The following OTOGL variants were observed in gnomAD, a reference collection of about 807,000 sequenced individuals.
OTOGL encodes the protein otogelin-like protein.
OTOGL carries 285 observed loss-of-function variants against 318.5 expected under a neutral mutation model. The ratio of observed to expected loss-of-function variants is 0.89; its 90% CI spans 0.81 to 0.99. OTOGL has a LOEUF of 0.99. Among genes scored for constraint, OTOGL ranks in the 50% least tolerant of loss-of-function variants. The probability of loss-of-function intolerance (pLI) is 0.00; values close to 1 mark genes in which losing one functional copy is unlikely to be tolerated. For missense variants in OTOGL, 2,899 were observed against 2,845.6 expected (o/e 1.02, Z -0.43); for synonymous variants, 987 against 936.5 (o/e 1.05, Z -0.99).
At chr12:80,139,282 A>G (rs1871774627) in intron 1 of OTOGL, among the ~76,000 whole-genome samples, 1 of 152,152 alleles carries the variant, frequency 6.6e-6, no homozygotes, top group Non-Finnish European at 1.5e-5. Flanking sequence ...TTACTAAGTT[A>G]GCTGTCCTAA....
intron 1 of OTOGL, among the ~76,000 whole-genome samples, chr12:80,168,223 G>C (rs1264073561): frequency 6.6e-6 from 1 of 152,124 alleles, no homozygotes; most frequent in Non-Finnish European, 1.5e-5. Context: ...CTCCCAAAGT[G>C]CTGGGATTTC....
intron 1 of OTOGL, among the ~76,000 whole-genome samples, chr12:80,137,419 C>T (rs1871648574): frequency 6.6e-6 from 1 of 152,008 alleles, no homozygotes; most frequent in Non-Finnish European, 1.5e-5. Flanking sequence ...TTTAACCTGC[C>T]TAGACAGTAC....
Position 80,305,568 on chromosome 12 carries a change from T to C in OTOGL, c.3214-8T>C. On this transcript the variant is annotated splice_polypyrimidine_tract_variant and splice_region_variant and intron_variant, in intron 28 of 58. Coordinates refer to ENST00000547103, the MANE Select transcript of OTOGL (RefSeq NM_001378609.3). The stretch of plus-strand genomic sequence containing the variant: ...AGAATATTTCCTGGTGATTTTCTCT[T>C]ACTTTAGAACAAGCTATCAGGATTG... 1 of 1,518,996 alleles carries C rather than the reference T, an allele frequency of 6.6e-7. No homozygotes were observed. Among genetic ancestry groups the C allele is most frequent in the Non-Finnish European group, 8.7e-7 (1 of 1,144,364 alleles). 94.1% of individuals were successfully genotyped at this position (1,518,996 alleles called of 1,614,324 possible). A position where few individuals can be genotyped will look rare whatever the true frequency, so the allele number is the denominator to read the frequency against.
At chr12:80,155,662 T>C (rs1873066513) in intron 1 of OTOGL, among the ~76,000 whole-genome samples, 1 of 152,200 alleles carries the variant, frequency 6.6e-6, no homozygotes, top group Non-Finnish European at 1.5e-5. Flanking sequence ...TACAATTAAA[T>C]TATTATTGAC....
intron 38 of OTOGL, among the ~76,000 whole-genome samples, chr12:80,334,063 A>G (rs1178767022): frequency 6.6e-6 from 1 of 152,158 alleles, no homozygotes; most frequent in African/African-American, 2.4e-5. Context: ...AGTAGCTTCA[A>G]GATCATTTTG....
At chr12:80,304,700 T>C (rs867760013) in intron 28 of OTOGL, among the ~76,000 whole-genome samples, 10 of 152,296 alleles carry the variant, frequency 6.6e-5, no homozygotes, top group Middle Eastern at 3.4e-3. Flanking sequence ...CTTCAATGAA[T>C]ATTCTCTGCC....
intron 9 of OTOGL, 73 bp downstream of exon 9, chr12:80,233,170 C>T (rs1272785237): frequency 1.5e-6 from 2 of 1,351,216 alleles, no homozygotes; most frequent in Admixed American, 2.6e-5. Context: ...TGTTTGTACC[C>T]AGAAGACTTG....
chr12:80,238,835 T>C lies in OTOGL; in HGVS notation c.818-16T>C, dbSNP rs767422638. On this transcript the variant is annotated splice_polypyrimidine_tract_variant and intron_variant, in intron 9 of 58. Transcript: ENST00000547103. ...ACCTATTTGTGTGTGTGTGTGTGTGTGCCTGTGTGAAATAGAGGACTATAC... is the reference window on the plus strand; with the variant it reads ...ACCTATTTGTGTGTGTGTGTGTGTGCGCCTGTGTGAAATAGAGGACTATAC... 2.6e-6 allele frequency: 4 copies of C among 1,520,664 alleles called. No individual in the cohort carries two copies. Among genetic ancestry groups the C allele is most frequent in the East Asian group, 2.5e-5 (1 of 40,122 alleles). 94.2% of individuals were successfully genotyped at this position (1,520,664 alleles called of 1,614,324 possible).
intron 1 of OTOGL, among the ~76,000 whole-genome samples, chr12:80,162,326 T>C (rs545356274): frequency 1.3e-5 from 2 of 152,254 alleles, no homozygotes; most frequent in South Asian, 2.1e-4. Context: ...GATGGTGACT[T>C]TGTTTATAGG....
In OTOGL at chr12:80,336,037, G is replaced by A. The variant is rs752355529; in HGVS notation, c.4497G>A (p.Trp1499Ter). The A allele has an allele frequency of 2.5e-6, 4 of 1,598,612 alleles. No homozygotes were observed. The change falls in exon 39 of 59, where the codon TGG becomes TGA. Residue 1499 changes from tryptophan (W) to a stop codon, truncating the protein, a stop_gained. Coordinates refer to ENST00000547103, the MANE Select transcript of OTOGL (RefSeq NM_001378609.3). LOFTEE classifies it high-confidence loss of function. ...CLNMEWQLYN[W>*]SLNCPKDVEM... ...ATATGGAATGGCAGTTATACAACTGGTCCCTTAATTGCCCAAAGGACGTGG... is the reference window on the plus strand; with the variant it reads ...ATATGGAATGGCAGTTATACAACTGATCCCTTAATTGCCCAAAGGACGTGG...
rs946327177 is a variant in OTOGL at position 80,305,519 on chromosome 12, G to A, written c.3214-57G>A. The A allele has an allele frequency of 4.6e-6, 6 of 1,304,604 alleles. No homozygotes were observed. In the African/African-American group the frequency reaches 9.0e-5, roughly 20 times the overall value. 80.8% of individuals were successfully genotyped at this position (1,304,604 alleles called of 1,614,324 possible). On this transcript the variant is annotated intron_variant, in intron 28 of 58. Transcript: ENST00000547103. Reference sequence around the variant, plus strand: ...GTCTCAAAAGTTTTAATGAATATGAGTCTTTAAATGTTAAAGTGAAAACAG... The same window carrying A: ...GTCTCAAAAGTTTTAATGAATATGAATCTTTAAATGTTAAAGTGAAAACAG...
At chr12:80,278,360 C>A in intron 25 of OTOGL, 85 bp downstream of exon 25, 1 of 1,112,062 alleles carries the variant, frequency 9.0e-7, no homozygotes, top group Non-Finnish European at 1.3e-6. Flanking sequence ...ATGAGACTGA[C>A]ATCAGCAAAA....
chr12:80,332,249 T>C lies in OTOGL; in HGVS notation c.4349-756T>C, dbSNP rs1284087783. Reference sequence around the variant, plus strand: ...CTACATTGAGCTCCAAAACAGCTAATACACTGGTGTTGTTTTAAGCCACTA... The same window carrying C: ...CTACATTGAGCTCCAAAACAGCTAACACACTGGTGTTGTTTTAAGCCACTA... On this transcript the variant is annotated intron_variant, in intron 37 of 58. Coordinates refer to ENST00000547103, the MANE Select transcript of OTOGL (RefSeq NM_001378609.3). 2.0e-5 allele frequency among the ~76,000 whole-genome samples: 3 copies of C among 152,228 alleles called. No individual in the cohort carries two copies. In the East Asian group the frequency reaches 5.8e-4, roughly 29 times the overall value.
In OTOGL at chr12:80,257,010, T is replaced by A. The variant is rs185423800; in HGVS notation, c.1711+550T>A. Among the ~76,000 whole-genome samples, 3 of 152,142 alleles carry A rather than the reference T, an allele frequency of 2.0e-5. No individual in the cohort carries two copies. In the East Asian group the frequency reaches 5.8e-4, roughly 29 times the overall value. ...GAGAGGGTAAAGGAGAATGTCTGGA[T>A]GTAGGTAAGGATGAGAAGGGCTTAT... On this transcript the variant is annotated intron_variant, in intron 17 of 58. Coordinates refer to ENST00000547103, the MANE Select transcript of OTOGL (RefSeq NM_001378609.3).
At chr12:80,343,753 G>T (rs1888990205) in intron 44 of OTOGL, 1 of 151,998 alleles carries the variant, frequency 6.6e-6, no homozygotes, top group Non-Finnish European at 1.5e-5. Flanking sequence ...CTGGCCGTCA[G>T]TAGGATGACA....
At chr12:80,186,806 T>C (rs1875326484) in intron 1 of OTOGL, among the ~76,000 whole-genome samples, 1 of 152,110 alleles carries the variant, frequency 6.6e-6, no homozygotes, top group Non-Finnish European at 1.5e-5. Flanking sequence ...TTTTGCTTCC[T>C]GTGAATTCAA....
At chr12:80,298,510 T>C (rs745879720) in intron 27 of OTOGL, among the ~76,000 whole-genome samples, 11 of 152,148 alleles carry the variant, frequency 7.2e-5, no homozygotes, top group Non-Finnish European at 1.3e-4. Context: ...TTTGAAGAAA[T>C]GATTCTTCTT....
rs1891277103 is a variant in OTOGL, at chr12:80,378,131, G to A, written c.*83G>A. The A allele has an allele frequency of 4.8e-6, 5 of 1,042,984 alleles. No homozygotes were observed. In the South Asian group the frequency reaches 8.3e-5, roughly 17 times the overall value. The allele number at this position is 1,042,984 out of a possible 1,614,324, so 64.6% of individuals were successfully genotyped here. ...ATTGCTATTACTTAGGCATGTGGCA[G>A]ATTTATGCTGTTTAACAATACTGTA... On this transcript the variant is annotated 3_prime_UTR_variant, in exon 59 of 59. Coordinates refer to ENST00000547103, the MANE Select transcript of OTOGL (RefSeq NM_001378609.3).
chr12:80,143,308 T>C (rs1592489384), intron 1 of OTOGL, among the ~76,000 whole-genome samples: 1 of 152,142 alleles, frequency 6.6e-6, no homozygotes, highest in African/African-American at 2.4e-5. Context: ...ATTGACTTCT[T>C]GGGTTTCCAA....
Sources: gnomAD v4.1 joint callset for allele counts (sites outside exome capture counted in the v4.1 genomes callset) on GRCh38, gnomAD v4.1.1 for gene constraint, MANE v1.5 for transcripts, NCBI Gene and HGNC (gene_info 2026-07-23, HGNC 2026-07-21) for gene names.